The following KIAA1217 variants were observed in gnomAD, a reference collection of about 807,000 sequenced individuals.
The protein encoded by KIAA1217 is sickle tail protein homolog.
Under a neutral mutation model 163.9 loss-of-function variants are expected in KIAA1217, and 88 were observed. The ratio of observed to expected loss-of-function variants is 0.54; its 90% CI spans 0.45 to 0.64. The LOEUF is 0.64. Among genes scored for constraint, KIAA1217 ranks in the 30% least tolerant of loss-of-function variants. The probability of loss-of-function intolerance (pLI) is 0.00; values close to 1 mark genes in which losing one functional copy is unlikely to be tolerated. For synonymous variants in KIAA1217, 903 were observed against 923.1 expected (o/e 0.98, Z 0.39); for missense variants, 2,372 against 2,475.0 (o/e 0.96, Z 0.88).
At chr10:24,379,345 A>G (rs376445416) in intron 2 of KIAA1217, among the ~76,000 whole-genome samples, 10 of 152,338 alleles carry the variant, frequency 6.6e-5, no homozygotes, top group African/African-American at 2.4e-4. Flanking sequence ...CTAGGAATGC[A>G]CCACTTTGGG....
chr10:23,934,581 A>ATGTGTGTGTGTGTGTATG (rs1485972122), intron 1 of KIAA1217, among the ~76,000 whole-genome samples: 1 of 65,890 alleles, frequency 1.5e-5, no homozygotes, highest in African/African-American at 1.6e-4. Context: ...ATATATATAT[A>ATGTGTGTGTGTGTGTATG]TATATATATG....
At chr10:24,469,669 T>C (rs986972257) in intron 5 of KIAA1217, among the ~76,000 whole-genome samples, 1 of 152,060 alleles carries the variant, frequency 6.6e-6, no homozygotes, top group Admixed American at 6.6e-5. Context: ...TGGAGTGCAG[T>C]GGTATTATCT....
intron 1 of KIAA1217, among the ~76,000 whole-genome samples, chr10:23,939,256 T>A (rs557064608): frequency 6.6e-6 from 1 of 152,300 alleles, no homozygotes; most frequent in African/African-American, 2.4e-5. Context: ...AATATATTTT[T>A]AAAATCACAT....
chr10:24,296,194 C>T (rs1205821441), intron 2 of KIAA1217, among the ~76,000 whole-genome samples: 3 of 152,136 alleles, frequency 2.0e-5, no homozygotes, highest in Non-Finnish European at 4.4e-5. Context: ...GCCTTGACCT[C>T]CTGGGCTCAA....
chr10:24,505,995 C>G (rs1050138078), intron 9 of KIAA1217, among the ~76,000 whole-genome samples: 3 of 152,030 alleles, frequency 2.0e-5, no homozygotes, highest in Non-Finnish European at 2.9e-5. Context: ...TGCAACAGAC[C>G]CGTGTCCCCT....
chr10:23,887,774 C>T (rs1480600916), intron 1 of KIAA1217, among the ~76,000 whole-genome samples: 3 of 151,760 alleles, frequency 2.0e-5, no homozygotes, highest in African/African-American at 4.8e-5. Context: ...AGATGGATTG[C>T]AGTGGCACAA....
intron 1 of KIAA1217, among the ~76,000 whole-genome samples, chr10:23,993,044 T>G (rs1355303309): frequency 6.7e-6 from 1 of 148,732 alleles, no homozygotes; most frequent in Non-Finnish European, 1.5e-5. Context: ...TTTTTTTTTT[T>G]TTTTTGAGAT....
intron 1 of KIAA1217, among the ~76,000 whole-genome samples, chr10:23,855,030 G>A (rs951421958): frequency 2.0e-5 from 3 of 152,148 alleles, no homozygotes; most frequent in East Asian, 1.9e-4. Context: ...AGTTAATATT[G>A]TTATGTGTGA....
At position 23,993,553 on chromosome 10, in the gene KIAA1217, C is replaced by CTT. The variant is rs200437343; in HGVS notation, c.-320-13653_-320-13652dup. 5.7e-4 allele frequency among the ~76,000 whole-genome samples: 39 copies of CTT among 68,930 alleles called. 3 individuals are homozygous for CTT. Among genetic ancestry groups the CTT allele is most frequent in the Admixed American group, 1.3e-3 (7 of 5,478 alleles). 45.2% of individuals were successfully genotyped at this position (68,930 alleles called of 152,430 possible). On this transcript the variant is annotated intron_variant, in intron 1 of 18. Coordinates refer to the KIAA1217 transcript ENST00000376462. ...AAGAGTTTGGCTCTCCATAGCCCAG[C>CTT]TTTTTTTTTTTTTTTTTTTTGAGAC...
intron 1 of KIAA1217, among the ~76,000 whole-genome samples, chr10:23,816,640 G>T (rs1837325582): frequency 6.6e-6 from 1 of 152,140 alleles, no homozygotes; most frequent in African/African-American, 2.4e-5. Context: ...ATTCTCCTTT[G>T]TTCAACTCTA....
chr10:23,907,854 G>A (rs558590939), intron 1 of KIAA1217, among the ~76,000 whole-genome samples: 2 of 152,134 alleles, frequency 1.3e-5, no homozygotes, highest in South Asian at 4.1e-4. Context: ...TCCTCTTCTA[G>A]GCTTCCCCTA....
At chr10:24,437,884 A>T in intron 4 of KIAA1217, among the ~76,000 whole-genome samples, 1 of 121,648 alleles carries the variant, frequency 8.2e-6, no homozygotes, top group East Asian at 2.4e-4. Context: ...CTTTTCTTTC[A>T]GTTGCCGAAA....
At position 24,313,996 on chromosome 10, in the gene KIAA1217, C is replaced by T. The variant is rs550235124; in HGVS notation, c.355-66873C>T. Among the ~76,000 whole-genome samples the T allele has an allele frequency of 1.7e-4, 26 of 151,922 alleles. 1 individual carries two copies. The highest frequency in any genetic ancestry group is 3.9e-4 in the Admixed American group (6 of 15,246). On this transcript the variant is annotated intron_variant, in intron 2 of 20. Transcript: ENST00000376454. ...CTGGGATTACCAGTGCCCACCACCG[C>T]GCCCAGCTAATTTTTGTATTTTTAG...
chr10:23,969,700 G>C (rs979510522), intron 1 of KIAA1217, among the ~76,000 whole-genome samples: 3 of 152,078 alleles, frequency 2.0e-5, no homozygotes, highest in Non-Finnish European at 4.4e-5. Flanking sequence ...CAAATATATG[G>C]TTTTCAGATA....
intron 2 of KIAA1217, among the ~76,000 whole-genome samples, chr10:24,200,952 G>A (rs1354574141): frequency 6.6e-6 from 1 of 152,060 alleles, no homozygotes; most frequent in Non-Finnish European, 1.5e-5. Context: ...GGTGGCAGTA[G>A]GGGGCAAGCA....
chr10:24,063,282 G>A (rs187344851), intron 2 of KIAA1217, among the ~76,000 whole-genome samples: 1 of 152,082 alleles, frequency 6.6e-6, no homozygotes, highest in Non-Finnish European at 1.5e-5. Context: ...GGTCTAACAT[G>A]TAAGTTTTTA....
At chr10:24,157,953 A>G in intron 2 of KIAA1217, 2 of 721,980 alleles carry the variant, frequency 2.8e-6, no homozygotes, top group Non-Finnish European at 2.5e-6. Flanking sequence ...TGAATGTGGA[A>G]TTTGCCAGCC....
intron 2 of KIAA1217, among the ~76,000 whole-genome samples, chr10:24,228,152 G>C (rs1395056698): frequency 6.6e-6 from 1 of 152,010 alleles, no homozygotes; most frequent in Non-Finnish European, 1.5e-5. Flanking sequence ...ACTCGTGCCA[G>C]TTGGGGGGCT....
In KIAA1217 at chr10:24,058,129, C is replaced by T. The variant is rs115653732; in HGVS notation, c.-171+50755C>T. On this transcript the variant is annotated intron_variant, in intron 2 of 18. Transcript: ENST00000376462. Reference sequence around the variant, plus strand: ...TTTGCATGTGGCTATCTAATTTTGCCAACACCATTTGTTGAAGAGATGGTC... The same window carrying T: ...TTTGCATGTGGCTATCTAATTTTGCTAACACCATTTGTTGAAGAGATGGTC... 3.3e-3 allele frequency among the ~76,000 whole-genome samples: 505 copies of T among 152,204 alleles called. 1 individual carries two copies. The highest frequency in any genetic ancestry group is 0.012 in the African/African-American group (485 of 41,528).
Sources: gnomAD v4.1 joint callset for allele counts (sites outside exome capture counted in the v4.1 genomes callset) on GRCh38, gnomAD v4.1.1 for gene constraint, MANE v1.5 for transcripts, NCBI Gene and HGNC (gene_info 2026-07-23, HGNC 2026-07-21) for gene names.